Variants in IL22RA1 observed in about 807,000 individuals in gnomAD.
IL22RA1 encodes interleukin-22 receptor subunit alpha-1.
A neutral mutation model predicts 32.8 loss-of-function variants in IL22RA1; 25 were observed. That is an observed-to-expected ratio of 0.76 (90% CI 0.55 to 1.06). The LOEUF is 1.06. IL22RA1 is among the 50% of genes least tolerant of loss of function. The probability of loss-of-function intolerance (pLI) is 0.00; values close to 1 mark genes in which losing one functional copy is unlikely to be tolerated. For synonymous variants in IL22RA1, 305 were observed against 305.0 expected (o/e 1.00, Z 0.00); for missense variants, 709 against 727.4 (o/e 0.97, Z 0.29).
At position 24,123,404 on chromosome 1, in the gene IL22RA1, G is replaced by A; in HGVS notation, c.690C>T (p.Ser230=). The A allele has an allele frequency of 6.2e-7, 1 of 1,613,846 alleles. No homozygotes were observed. Residue 230 remains serine (S), a synonymous_variant, in exon 6 of 7, where the codon TCC becomes TCT. Transcript: ENST00000270800. ...KTLPDRTWTY[S]FSGAFLFSMG... Reference sequence around the variant, plus strand: ...TGGAGAACAGGAAGGCTCCGGAGAAGGAGTAGGTCCATGTCCGGTCTGGGA... The same window carrying A: ...TGGAGAACAGGAAGGCTCCGGAGAAAGAGTAGGTCCATGTCCGGTCTGGGA...
At chr1:24,130,623 CAAAG>C (rs1407906824) in intron 4 of IL22RA1, among the ~76,000 whole-genome samples, 1 of 152,156 alleles carries the variant, frequency 6.6e-6, no homozygotes, top group Non-Finnish European at 1.5e-5. Context: ...GTTAGACATA[CAAAG>C]AAAGAATATG....
intron 4 of IL22RA1, among the ~76,000 whole-genome samples, chr1:24,131,836 A>G (rs1644206835): frequency 6.6e-6 from 1 of 152,180 alleles, no homozygotes. Context: ...TGCACAAGGA[A>G]CGTTCACCAG....
chr1:24,130,239 T>C (rs1459976673), intron 4 of IL22RA1, among the ~76,000 whole-genome samples: 1 of 152,160 alleles, frequency 6.6e-6, no homozygotes, highest in Non-Finnish European at 1.5e-5. Context: ...CCCTGTGGAA[T>C]GGCTAAACCT....
intron 6 of IL22RA1, 82 bp from the exon 7 acceptor site, chr1:24,121,819 C>T: frequency 8.6e-7 from 1 of 1,163,554 alleles, no homozygotes; most frequent in Non-Finnish European, 1.2e-6. Context: ...TGGGTGAGGT[C>T]CTCCATAGGG....
At chr1:24,138,496 G>T in intron 2 of IL22RA1, 86 bp downstream of exon 2, 1 of 1,468,936 alleles carries the variant, frequency 6.8e-7, no homozygotes. Flanking sequence ...GTGGGGACAT[G>T]GGAACATATG....
chr1:24,134,804 A>G, intron 3 of IL22RA1: 1 of 974,722 alleles, frequency 1.0e-6, no homozygotes, highest in South Asian at 4.8e-5. Context: ...GGGGCCTAAT[A>G]CTATTGATGC....
intron 4 of IL22RA1, among the ~76,000 whole-genome samples, chr1:24,130,796 C>T (rs760488356): frequency 1.4e-4 from 21 of 152,184 alleles, no homozygotes; most frequent in Non-Finnish European, 3.1e-4. Flanking sequence ...CCTCCGCCTC[C>T]CAGGTTCAAA....
rs943105620 is a variant in IL22RA1 at position 24,136,986 on chromosome 1, A to C, written c.355+145T>G. ...TGGTGGGGGTGGGGGGCTTCCCTAA[A>C]AGCCACATCCCCAGCTGCCCCTCCC... On this transcript the variant is annotated intron_variant, in intron 3 of 6. Transcript: ENST00000270800. 4.3e-5 allele frequency: 32 copies of C among 740,718 alleles called. No individual in the cohort carries two copies. In the South Asian group the frequency reaches 5.9e-4, roughly 14 times the overall value. 45.9% of individuals were successfully genotyped at this position (740,718 alleles called of 1,614,324 possible).
intron 5 of IL22RA1, among the ~76,000 whole-genome samples, chr1:24,124,988 A>G (rs769923266): frequency 2.2e-4 from 33 of 152,160 alleles, no homozygotes; most frequent in Non-Finnish European, 2.4e-4. Flanking sequence ...GGCTGGATGG[A>G]ATATAAAAAC....
intron 4 of IL22RA1, among the ~76,000 whole-genome samples, chr1:24,129,527 C>T (rs920521386): frequency 3.9e-5 from 6 of 152,188 alleles, no homozygotes; most frequent in African/African-American, 7.2e-5. Flanking sequence ...TTCTAATCTC[C>T]AGGGCCTAAA....
At chr1:24,136,381 AAC>A (rs1441844056) in intron 3 of IL22RA1, among the ~76,000 whole-genome samples, 10 of 152,210 alleles carry the variant, frequency 6.6e-5, no homozygotes, top group African/African-American at 2.4e-4. Flanking sequence ...TGTGTGAGCA[AAC>A]ACAGTAATTG....
chr1:24,123,386 C>T lies in IL22RA1; in HGVS notation c.708G>A (p.Leu236=), dbSNP rs750757343. The change falls in exon 6 of 7, where the codon CTG becomes CTA. Residue 236 remains leucine (L), a synonymous_variant. Coordinates refer to ENST00000270800, the MANE Select transcript of IL22RA1 (RefSeq NM_021258.4). ...TWTYSFSGAF[L]FSMGFLVAVL... Reference sequence around the variant, plus strand: ...CTGCGACGAGGAAGCCCATGGAGAACAGGAAGGCTCCGGAGAAGGAGTAGG... The same window carrying T: ...CTGCGACGAGGAAGCCCATGGAGAATAGGAAGGCTCCGGAGAAGGAGTAGG... The T allele has an allele frequency of 1.2e-6, 2 of 1,613,996 alleles. No homozygotes were observed. The highest frequency in any genetic ancestry group is 1.1e-5 in the South Asian group (1 of 91,040).
At position 24,137,063 on chromosome 1, in the gene IL22RA1, CA is replaced by C. The variant is rs1214805731; in HGVS notation, c.355+67del. 8.1e-6 allele frequency: 12 copies of C among 1,476,854 alleles called. No homozygotes were observed. The Admixed American group carries it at 1.4e-4, about 18-fold the overall frequency. The allele number at this position is 1,476,854 out of a possible 1,614,324, so 91.5% of individuals were successfully genotyped here. On this transcript the variant is annotated intron_variant, in intron 3 of 6. Coordinates refer to ENST00000270800, the MANE Select transcript of IL22RA1 (RefSeq NM_021258.4). ...CCACCCACTCCAGAGGGGAAGAGGC[CA>C]TCCCACCCCGCAAACACCTGCGCTT...
At chr1:24,128,329 A>C (rs1400500383) in intron 4 of IL22RA1, 50 bp from the exon 5 acceptor site, 4 of 1,608,798 alleles carry the variant, frequency 2.5e-6, no homozygotes, top group Admixed American at 1.7e-5. Flanking sequence ...ACCGATCTCC[A>C]CATAGAGCCC....
In IL22RA1 at chr1:24,142,269, G is replaced by A. The variant is rs78599236; in HGVS notation, c.43+771C>T. ...CTCGTCCTGCACTTGAGCAAGGAGGGCCTGGCCGAGGCCATACCTGCTCGC... is the reference window on the plus strand; with the variant it reads ...CTCGTCCTGCACTTGAGCAAGGAGGACCTGGCCGAGGCCATACCTGCTCGC... On this transcript the variant is annotated intron_variant, in intron 1 of 6. Transcript: ENST00000270800. Among the ~76,000 whole-genome samples the A allele has an allele frequency of 6.5e-3, 985 of 152,334 alleles. 15 individuals are homozygous for A. The highest frequency in any genetic ancestry group is 0.022 in the African/African-American group (915 of 41,574).
intron 2 of IL22RA1, 62 bp from the exon 3 acceptor site, chr1:24,137,371 C>T (rs1477089130): frequency 3.4e-6 from 5 of 1,483,942 alleles, no homozygotes; most frequent in Admixed American, 1.7e-5. Flanking sequence ...AGGCCTGTGG[C>T]TTATTAATAA....
intron 3 of IL22RA1, among the ~76,000 whole-genome samples, chr1:24,136,415 A>G (rs1342528684): frequency 6.6e-6 from 1 of 152,184 alleles, no homozygotes; most frequent in Non-Finnish European, 1.5e-5. Flanking sequence ...CTGAGCGATG[A>G]AGACAATAAG....
intron 5 of IL22RA1, among the ~76,000 whole-genome samples, chr1:24,124,417 C>T (rs764498945): frequency 3.9e-5 from 6 of 152,210 alleles, no homozygotes; most frequent in Non-Finnish European, 2.9e-5. Flanking sequence ...CCCTGTGTCT[C>T]AGCATCTTTG....
intron 1 of IL22RA1, among the ~76,000 whole-genome samples, chr1:24,142,628 T>A (rs1474447399): frequency 2.0e-5 from 3 of 152,120 alleles, no homozygotes; most frequent in Non-Finnish European, 4.4e-5. Context: ...CCCCGGTCCT[T>A]CCTCCTCCTC....
Sources: allele counts gnomAD v4.1 joint callset (sites outside exome capture counted in the v4.1 genomes callset), GRCh38; gene constraint gnomAD v4.1.1; transcripts MANE v1.5; gene names NCBI Gene and HGNC (gene_info 2026-07-23, HGNC 2026-07-21).